Variants in ADAMTSL1 observed in about 807,000 individuals in gnomAD.
ADAMTSL1 encodes ADAMTS-like protein 1.
A neutral mutation model predicts 201.8 loss-of-function variants in ADAMTSL1; 126 were observed. The ratio of observed to expected loss-of-function variants is 0.62; its 90% CI spans 0.54 to 0.72. The LOEUF (loss-of-function observed/expected upper bound fraction) is 0.72, where lower values mean the gene tolerates loss of function less well. Among genes scored for constraint, ADAMTSL1 ranks in the 30% least tolerant of loss-of-function variants. The probability of loss-of-function intolerance (pLI) is 0.00; values close to 1 mark genes in which losing one functional copy is unlikely to be tolerated. For missense variants in ADAMTSL1, 2,679 were observed against 2,277.8 expected (o/e 1.18, Z -3.59); for synonymous variants, 1,121 against 903.4 (o/e 1.24, Z -4.32).
At chr9:18,169,938 C>T (rs1160879064) in intron 2 of ADAMTSL1, among the ~76,000 whole-genome samples, 4 of 151,940 alleles carry the variant, frequency 2.6e-5, no homozygotes, top group Non-Finnish European at 5.9e-5. Context: ...ACAACTATAA[C>T]TTGAGTTGGC....
intron 1 of ADAMTSL1, among the ~76,000 whole-genome samples, chr9:18,082,861 C>T (rs936745857): frequency 6.6e-6 from 1 of 152,066 alleles, no homozygotes; most frequent in African/African-American, 2.4e-5. Context: ...CCTTAAATAG[C>T]TAATATAACA....
At chr9:18,217,390 A>C (rs895293126) in intron 2 of ADAMTSL1, among the ~76,000 whole-genome samples, 1 of 151,960 alleles carries the variant, frequency 6.6e-6, no homozygotes, top group African/African-American at 2.4e-5. Flanking sequence ...ATGTTTCTTG[A>C]GGTGCCAAAG....
At chr9:18,420,695 G>A (rs1468633784) in intron 2 of ADAMTSL1, among the ~76,000 whole-genome samples, 2 of 152,200 alleles carry the variant, frequency 1.3e-5, no homozygotes, top group Admixed American at 6.5e-5. Context: ...GGAGGATGTT[G>A]CATTCAACAG....
At chr9:18,223,087 G>A (rs1830323603) in intron 2 of ADAMTSL1, among the ~76,000 whole-genome samples, 1 of 151,846 alleles carries the variant, frequency 6.6e-6, no homozygotes, top group Admixed American at 6.6e-5. Flanking sequence ...CTAAATTTAA[G>A]GCTTGGTGTA....
chr9:18,869,164 C>G (rs1239899269), intron 23 of ADAMTSL1, among the ~76,000 whole-genome samples: 2 of 152,232 alleles, frequency 1.3e-5, no homozygotes, highest in Non-Finnish European at 2.9e-5. Context: ...CCACCAGAAA[C>G]TGGGAGAGAG....
At chr9:18,074,471 G>GTTTTCTTTTC (rs66552520) in intron 1 of ADAMTSL1, among the ~76,000 whole-genome samples, 3,443 of 126,896 alleles carry the variant, frequency 0.027, 104 homozygotes, top group Non-Finnish European at 0.031. Context: ...ACCACACTGT[G>GTTTTCTTTTC]TTTTCTTTTC....
chr9:18,375,121 T>G (rs1029720899), intron 2 of ADAMTSL1, among the ~76,000 whole-genome samples: 1 of 152,194 alleles, frequency 6.6e-6, no homozygotes, highest in African/African-American at 2.4e-5. Flanking sequence ...GTGCCAGCCA[T>G]AGTACACTCA....
At chr9:18,631,973 A>C (rs1181627889) in intron 5 of ADAMTSL1, among the ~76,000 whole-genome samples, 1 of 152,202 alleles carries the variant, frequency 6.6e-6, no homozygotes, top group Non-Finnish European at 1.5e-5. Context: ...TCAGTCAACA[A>C]AGCCAGAATA....
At chr9:18,886,693 G>A (rs111552962) in intron 23 of ADAMTSL1, among the ~76,000 whole-genome samples, 20 of 152,234 alleles carry the variant, frequency 1.3e-4, no homozygotes, top group African/African-American at 4.6e-4. Flanking sequence ...CTCTTTTATG[G>A]GGACACTAAT....
intron 26 of ADAMTSL1, among the ~76,000 whole-genome samples, chr9:18,903,224 C>G (rs1830110416): frequency 6.6e-6 from 1 of 151,946 alleles, no homozygotes; most frequent in South Asian, 2.1e-4. Flanking sequence ...AAAAAGAAAC[C>G]AAGTATTAAT....
At chr9:18,831,136 A>G (rs1340811345) in intron 23 of ADAMTSL1, among the ~76,000 whole-genome samples, 5 of 152,246 alleles carry the variant, frequency 3.3e-5, no homozygotes, top group African/African-American at 7.2e-5. Flanking sequence ...GCTTATCAGC[A>G]TATGGAAAAA....
At chr9:18,235,231 A>T (rs1276350612) in intron 2 of ADAMTSL1, among the ~76,000 whole-genome samples, 5 of 152,202 alleles carry the variant, frequency 3.3e-5, no homozygotes, top group Non-Finnish European at 7.3e-5. Flanking sequence ...GGAAAATATT[A>T]GTCAGGTATT....
intron 1 of ADAMTSL1, among the ~76,000 whole-genome samples, chr9:18,157,380 A>G (rs1827201252): frequency 6.7e-6 from 1 of 148,822 alleles, no homozygotes; most frequent in Non-Finnish European, 1.5e-5. Context: ...CTTTAATGAT[A>G]AAGTAGGTAT....
chr9:18,026,762 A>G (rs1023052199), intron 1 of ADAMTSL1, among the ~76,000 whole-genome samples: 3 of 152,086 alleles, frequency 2.0e-5, no homozygotes, highest in African/African-American at 7.2e-5. Context: ...ATTTTTGGGA[A>G]TAGTTTCAGT....
rs139809124 is a variant in ADAMTSL1 at position 18,668,522 on chromosome 9, T to C, written c.1085+6449T>C. Among the ~76,000 whole-genome samples, 247 of 152,334 alleles carry C rather than the reference T, an allele frequency of 1.6e-3. 1 individual carries two copies. Among genetic ancestry groups the C allele is most frequent in the African/African-American group, 5.6e-3 (234 of 41,584 alleles). On this transcript the variant is annotated intron_variant, in intron 9 of 28. Coordinates refer to ENST00000380548, the MANE Select transcript of ADAMTSL1 (RefSeq NM_001040272.6). ...TTCTTTTAATTGGCCTGTGAGTTAA[T>C]AGAGTAGGTATTATTTCCATCCTTA...
intron 1 of ADAMTSL1, among the ~76,000 whole-genome samples, chr9:18,475,356 C>G (rs1433955654): frequency 1.3e-5 from 2 of 152,116 alleles, no homozygotes; most frequent in Non-Finnish European, 2.9e-5. Context: ...CTGATCTGCG[C>G]TATAATTTTG....
intron 2 of ADAMTSL1, among the ~76,000 whole-genome samples, chr9:18,244,413 G>A (rs1831182402): frequency 6.6e-6 from 1 of 151,960 alleles, no homozygotes. Flanking sequence ...CCTCTGATAT[G>A]ATACATCCTA....
At chr9:18,289,327 G>A (rs183362307) in intron 2 of ADAMTSL1, among the ~76,000 whole-genome samples, 1 of 152,248 alleles carries the variant, frequency 6.6e-6, no homozygotes, top group Non-Finnish European at 1.5e-5. Flanking sequence ...TCTGAGTTTG[G>A]AGGGCTAAGA....
chr9:18,682,350 G>C (rs1439259243), intron 12 of ADAMTSL1, among the ~76,000 whole-genome samples: 1 of 152,138 alleles, frequency 6.6e-6, no homozygotes, highest in East Asian at 1.9e-4. Flanking sequence ...TAAGGCTGAA[G>C]TACATTGGGA....
Sources: gnomAD v4.1 joint callset for allele counts (sites outside exome capture counted in the v4.1 genomes callset) on GRCh38, gnomAD v4.1.1 for gene constraint, MANE v1.5 for transcripts, NCBI Gene and HGNC (gene_info 2026-07-23, HGNC 2026-07-21) for gene names.